Variants in PCDH15 observed in about 807,000 individuals in gnomAD.
The protein encoded by PCDH15 is protocadherin related 15, also known as protocadherin-15.
A neutral mutation model predicts 178.5 loss-of-function variants in PCDH15; 129 were observed. That is an observed-to-expected ratio of 0.72 (90% CI 0.63 to 0.84). PCDH15 has a LOEUF of 0.84. Among genes scored for constraint, PCDH15 ranks in the 40% least tolerant of loss-of-function variants. The probability of loss-of-function intolerance (pLI) is 0.00; values close to 1 mark genes in which losing one functional copy is unlikely to be tolerated. For missense variants in PCDH15, 2,230 were observed against 2,099.9 expected, an observed-to-expected ratio of 1.06 and a Z score of -1.21; for synonymous variants, 800 against 732.0, an observed-to-expected ratio of 1.09 and a Z score of -1.50.
chr10:53,904,846 C>T (rs2082565023), intron 25 of PCDH15, among the ~76,000 whole-genome samples: 1 of 152,138 alleles, frequency 6.6e-6, no homozygotes, highest in South Asian at 2.1e-4. Flanking sequence ...AATATGTCAC[C>T]TTTCCAATAA....
intron 2 of PCDH15, among the ~76,000 whole-genome samples, chr10:54,971,187 C>G (rs145087920): frequency 1.3e-5 from 2 of 152,158 alleles, no homozygotes; most frequent in African/African-American, 2.4e-5. Flanking sequence ...TGTGTCCCCT[C>G]CCAAATTCAT....
intron 1 of PCDH15, among the ~76,000 whole-genome samples, chr10:55,214,796 T>G (rs68123014): frequency 0.13 from 19,473 of 151,860 alleles, 1,343 homozygotes; most frequent in East Asian, 0.26. Flanking sequence ...GTACCCTGTT[T>G]AACCAGTCTG....
Position 54,856,394 on chromosome 10 carries a change from T to C in PCDH15, c.-29+41056A>G, listed in dbSNP as rs941061088. The stretch of plus-strand genomic sequence containing the variant: ...GTACTGGACAGCCATCTCTAGAGAA[T>C]AGAATACAAGATAGTCTGTGTAGAA... On this transcript the variant is annotated intron_variant, in intron 3 of 5. Coordinates refer to the PCDH15 transcript ENST00000458638. Among the ~76,000 whole-genome samples the C allele has an allele frequency of 1.2e-4, 18 of 152,168 alleles. 1 individual carries two copies. Among genetic ancestry groups the C allele is most frequent in the African/African-American group, 3.9e-4 (16 of 41,452 alleles).
intron 1 of PCDH15, among the ~76,000 whole-genome samples, chr10:55,266,116 C>T (rs1030180119): frequency 6.6e-6 from 1 of 152,154 alleles, no homozygotes; most frequent in Admixed American, 6.5e-5. Context: ...CTATATTTCA[C>T]TTCTTGTCTC....
intron 3 of PCDH15, among the ~76,000 whole-genome samples, chr10:54,461,395 G>A (rs2060624795): frequency 6.6e-6 from 1 of 151,978 alleles, no homozygotes; most frequent in Non-Finnish European, 1.5e-5. Flanking sequence ...TAGTGGTTGT[G>A]GTTCTCGGTT....
chr10:55,392,134 T>A (rs2132014760), intron 2 of PCDH15, among the ~76,000 whole-genome samples: 1 of 152,238 alleles, frequency 6.6e-6, no homozygotes, highest in African/African-American at 2.4e-5. Context: ...CCAACACAAA[T>A]GAAATAGTAA....
intron 13 of PCDH15, among the ~76,000 whole-genome samples, chr10:54,170,773 A>C (rs2046815008): frequency 6.6e-6 from 1 of 151,792 alleles, no homozygotes; most frequent in Non-Finnish European, 1.5e-5. Flanking sequence ...ATCCCCACAC[A>C]CCAGCAAAGG....
chr10:54,583,314 T>C (rs1298170629), intron 2 of PCDH15, among the ~76,000 whole-genome samples: 1 of 152,124 alleles, frequency 6.6e-6, no homozygotes, highest in Admixed American at 6.6e-5. Flanking sequence ...GGAATTAGAA[T>C]GATTCTATAA....
chr10:53,863,576 A>G (rs75766477), intron 27 of PCDH15, among the ~76,000 whole-genome samples: 3 of 151,754 alleles, frequency 2.0e-5, no homozygotes, highest in Non-Finnish European at 2.9e-5. Flanking sequence ...GTGAGAAATA[A>G]GTCAAATCTA....
chr10:54,696,873 T>C (rs987350403), intron 1 of PCDH15, among the ~76,000 whole-genome samples: 1 of 152,088 alleles, frequency 6.6e-6, no homozygotes, highest in Non-Finnish European at 1.5e-5. Flanking sequence ...GGATGGATGT[T>C]TTTATCTATG....
At chr10:55,322,842 A>AT (rs906265164), upstream of PCDH15, among the ~76,000 whole-genome samples, 1 of 152,158 alleles carries the variant, frequency 6.6e-6, no homozygotes, top group Non-Finnish European at 1.5e-5. Context: ...AGAAATTTGC[A>AT]TAAGTAACAA....
Position 55,247,167 on chromosome 10 carries a change from T to C in PCDH15, c.-156+72432A>G, listed in dbSNP as rs141922067. On this transcript the variant is annotated intron_variant, in intron 1 of 5. Coordinates refer to the PCDH15 transcript ENST00000458638. ...TGTTCATGTTAGTTAAGGAAAATCT[T>C]TTTCCTTTAAATTGCTGCAATGTAT... Among the ~76,000 whole-genome samples, 13 of 152,314 alleles carry C rather than the reference T, an allele frequency of 8.5e-5. No individual in the cohort carries two copies. The East Asian group carries it at 2.5e-3, about 29-fold the overall frequency.
At chr10:54,145,543 TG>T (rs2043822945) in intron 14 of PCDH15, among the ~76,000 whole-genome samples, 1 of 152,084 alleles carries the variant, frequency 6.6e-6, no homozygotes, top group African/African-American at 2.4e-5. Flanking sequence ...AACTTCACAT[TG>T]AAAACCAATA....
chr10:54,092,552 T>C (rs2094617073), intron 15 of PCDH15, among the ~76,000 whole-genome samples: 1 of 152,126 alleles, frequency 6.6e-6, no homozygotes, highest in Non-Finnish European at 1.5e-5. Flanking sequence ...ACATCCCATG[T>C]TAGTCAAAAT....
rs1406028153 is a variant in PCDH15, at chr10:55,248,526, G to A, written c.-156+71073C>T. 6.6e-5 allele frequency among the ~76,000 whole-genome samples: 10 copies of A among 152,146 alleles called. No individual in the cohort carries two copies. The South Asian group carries it at 1.7e-3, about 25-fold the overall frequency. ...TGTATGGAATTATAAATGGATACGC[G>A]GATAAGCATCCAATAGATATGAATA... On this transcript the variant is annotated intron_variant, in intron 1 of 5. Coordinates refer to the PCDH15 transcript ENST00000458638.
intron 1 of PCDH15, among the ~76,000 whole-genome samples, chr10:55,233,488 T>C (rs1841285790): frequency 6.6e-6 from 1 of 152,110 alleles, no homozygotes; most frequent in Admixed American, 6.5e-5. Flanking sequence ...AGACATAATA[T>C]AATCAATATC....
intron 1 of PCDH15, among the ~76,000 whole-genome samples, chr10:54,730,235 C>G (rs576213304): frequency 2.0e-5 from 3 of 151,488 alleles, no homozygotes; most frequent in Non-Finnish European, 4.4e-5. Flanking sequence ...AGAATGAAAT[C>G]ATGTACTTTT....
At chr10:54,804,927 T>TTATATATA (rs71014419), upstream of PCDH15, among the ~76,000 whole-genome samples, 498 of 50,824 alleles carry the variant, frequency 9.8e-3, 81 homozygotes, top group Middle Eastern at 0.031. Flanking sequence ...TCATAGTAGA[T>TTATATATA]TATATATATA....
At chr10:55,626,601 C>G (rs774748847) in intron 2 of PCDH15, among the ~76,000 whole-genome samples, 1 of 152,116 alleles carries the variant, frequency 6.6e-6, no homozygotes, top group Non-Finnish European at 1.5e-5. Flanking sequence ...ATGCTTGCCA[C>G]GTAAATTGTA....
Sources: allele counts gnomAD v4.1 joint callset (sites outside exome capture counted in the v4.1 genomes callset), GRCh38; gene constraint gnomAD v4.1.1; transcripts MANE v1.5; gene names NCBI Gene and HGNC (gene_info 2026-07-23, HGNC 2026-07-21).